The following P2RY12 variants were observed in gnomAD, a reference collection of about 807,000 sequenced individuals.
The protein encoded by P2RY12 is purinergic receptor P2Y12.
P2RY12 carries 3 observed loss-of-function variants against 4.5 expected under a neutral mutation model. That is an observed-to-expected ratio of 0.67 (90% CI 0.31 to 1.74). P2RY12 has a LOEUF of 1.74. Ranked by LOEUF, P2RY12 falls within the 40% of genes most tolerant of loss-of-function variation. The pLI, the probability that P2RY12 is intolerant of heterozygous loss-of-function variation, is 0.09. For synonymous variants in P2RY12, 148 were observed against 154.1 expected, an observed-to-expected ratio of 0.96 and a Z score of 0.29; for missense variants, 356 against 407.8, an observed-to-expected ratio of 0.87 and a Z score of 1.09.
Position 151,365,032 on chromosome 3 carries a change from A to G in P2RY12, c.-180+19660T>C, listed in dbSNP as rs767700302. The G allele has an allele frequency of 2.5e-6, 4 of 1,614,054 alleles. 1 individual carries two copies. The South Asian group carries it at 4.4e-5, about 18-fold the overall frequency. On this transcript the variant is annotated intron_variant, in intron 1 of 2. Coordinates refer to ENST00000302632, the MANE Select transcript of P2RY12 (RefSeq NM_022788.5). ...ATATATAATAACGTGATGCCTGCAA[A>G]TTCGAACTTGCGATGGGATCCAGAC...
intron 1 of P2RY12, among the ~76,000 whole-genome samples, chr3:151,365,617 G>A (rs886352896): frequency 2.0e-5 from 3 of 152,022 alleles, no homozygotes; most frequent in African/African-American, 4.8e-5. Context: ...ATTCTAATTC[G>A]TGTATGTACT....
chr3:151,370,117 T>C (rs75913414), intron 1 of P2RY12, among the ~76,000 whole-genome samples: 2,127 of 152,332 alleles, frequency 0.014, 41 homozygotes, highest in African/African-American at 0.048. Flanking sequence ...TAATTCATAA[T>C]GTCCAAGATG....
intron 1 of P2RY12, among the ~76,000 whole-genome samples, chr3:151,380,834 G>A (rs753498294): frequency 3.3e-5 from 5 of 152,148 alleles, no homozygotes; most frequent in Admixed American, 6.5e-5. Flanking sequence ...AGAGGACCTG[G>A]AGCAATCTAT....
intron 1 of P2RY12, chr3:151,355,070 C>T (rs367858892): frequency 2.1e-5 from 28 of 1,348,284 alleles, no homozygotes; most frequent in Non-Finnish European, 2.8e-5. Flanking sequence ...TTAAAAATGT[C>T]GAGAGCTTCT....
At chr3:151,353,937 C>T (rs1385946026) in intron 1 of P2RY12, among the ~76,000 whole-genome samples, 4 of 151,678 alleles carry the variant, frequency 2.6e-5, no homozygotes, top group African/African-American at 7.3e-5. Flanking sequence ...GTCAGGAGAT[C>T]GAGACCATCC....
chr3:151,376,706 C>T, intron 1 of P2RY12: 1 of 1,005,374 alleles, frequency 9.9e-7, no homozygotes, highest in Non-Finnish European at 1.5e-6. Context: ...TATGATTATT[C>T]TGCTCTTTCT....
At chr3:151,384,021 C>T in intron 1 of P2RY12, 2 of 1,543,238 alleles carry the variant, frequency 1.3e-6, no homozygotes, top group South Asian at 1.2e-5. Context: ...AATAAAAATA[C>T]TCAGTTAAAT....
intron 1 of P2RY12, chr3:151,376,936 T>A (rs1756925838): frequency 1.9e-6 from 3 of 1,610,628 alleles, no homozygotes; most frequent in Non-Finnish European, 2.5e-6. Flanking sequence ...AACACGTTGA[T>A]GTTTGAGGAT....
chr3:151,362,120 T>C lies in P2RY12; in HGVS notation c.-179-21360A>G, dbSNP rs114172807. Among the ~76,000 whole-genome samples, 1,247 of 152,086 alleles carry C rather than the reference T, an allele frequency of 8.2e-3. 25 individuals carry two copies. Among genetic ancestry groups the C allele is most frequent in the African/African-American group, 0.029 (1,204 of 41,494 alleles). ...CCAAGCATCTCTAGAACCTGCCCAT[T>C]CTTCACCCTCTCTTTACCGCTGTGG... is the stretch of plus-strand genomic sequence containing the variant. On this transcript the variant is annotated intron_variant, in intron 1 of 2. Coordinates refer to ENST00000302632, the MANE Select transcript of P2RY12 (RefSeq NM_022788.5).
At position 151,338,932 on chromosome 3, in the gene P2RY12, T is replaced by G. The variant is rs571481914; in HGVS notation, c.-14-73A>C. 2.2e-6 allele frequency: 3 copies of G among 1,340,218 alleles called. No individual in the cohort carries two copies. The Admixed American group carries it at 5.6e-5, about 25-fold the overall frequency. 83.0% of individuals were successfully genotyped at this position (1,340,218 alleles called of 1,614,324 possible). On this transcript the variant is annotated intron_variant, in intron 2 of 2. Transcript: ENST00000302632. ...TATTGCTGTTATCTCTGTGTGTAAC[T>G]TTTTTGGACACAGCCTCCTCTAAAA...
In P2RY12 at chr3:151,337,577, G is replaced by A. The variant is rs572511612; in HGVS notation, c.*240C>T. ...TTCTGTGTAGTTTTGCATGCAGCAT[G>A]ACAATTGGATGTCGTTTGTTTTGCT... On this transcript the variant is annotated 3_prime_UTR_variant, in exon 3 of 3. Coordinates refer to ENST00000302632, the MANE Select transcript of P2RY12 (RefSeq NM_022788.5). The A allele has an allele frequency of 2.6e-4, 123 of 480,970 alleles. No homozygotes were observed. In the East Asian group the frequency reaches 3.7e-3, roughly 15 times the overall value. The allele number at this position is 480,970 out of a possible 1,614,324, so 29.8% of individuals were successfully genotyped here. A position where few individuals can be genotyped will look rare whatever the true frequency, so the allele number is the denominator to read the frequency against.
At chr3:151,364,138 C>G (rs1267855020) in intron 1 of P2RY12, among the ~76,000 whole-genome samples, 1 of 152,136 alleles carries the variant, frequency 6.6e-6, no homozygotes, top group Non-Finnish European at 1.5e-5. Context: ...GATATGCTAC[C>G]TACAGAAGGT....
chr3:151,362,128 C>G (rs553478876), intron 1 of P2RY12, among the ~76,000 whole-genome samples: 1 of 152,040 alleles, frequency 6.6e-6, no homozygotes. Context: ...ATTCTTCACC[C>G]TCTCTTTACC....
At chr3:151,349,307 T>C (rs1418213494) in intron 1 of P2RY12, among the ~76,000 whole-genome samples, 1 of 152,196 alleles carries the variant, frequency 6.6e-6, no homozygotes, top group Non-Finnish European at 1.5e-5. Flanking sequence ...GGAGAGGTGG[T>C]CCAGAAGGGA....
chr3:151,370,673 G>A (rs754461767), intron 1 of P2RY12, among the ~76,000 whole-genome samples: 15 of 152,240 alleles, frequency 9.9e-5, no homozygotes, highest in East Asian at 1.9e-4. Flanking sequence ...TCAGTTGGTC[G>A]GTTCTACTTA....
intron 1 of P2RY12, among the ~76,000 whole-genome samples, chr3:151,360,208 A>C (rs1357848221): frequency 6.6e-6 from 1 of 152,140 alleles, no homozygotes; most frequent in Non-Finnish European, 1.5e-5. Flanking sequence ...ATTCCTCCAT[A>C]CGTACCTTCT....
At chr3:151,355,126 G>T (rs750469643) in intron 1 of P2RY12, 1 of 1,612,348 alleles carries the variant, frequency 6.2e-7, no homozygotes, top group South Asian at 1.1e-5. Flanking sequence ...TGTAGTTGGG[G>T]ACGAAGGACA....
chr3:151,351,204 G>A (rs1753200379), intron 1 of P2RY12, among the ~76,000 whole-genome samples: 1 of 152,156 alleles, frequency 6.6e-6, no homozygotes. Flanking sequence ...CTTTACTAGA[G>A]AAAAATACAG....
intron 1 of P2RY12, among the ~76,000 whole-genome samples, chr3:151,379,151 T>C (rs1046571949): frequency 6.6e-6 from 1 of 152,234 alleles, no homozygotes; most frequent in African/African-American, 2.4e-5. Context: ...TGTTTTACCA[T>C]GTTGGCCAGG....
Sources: allele counts gnomAD v4.1 joint callset (sites outside exome capture counted in the v4.1 genomes callset), GRCh38; gene constraint gnomAD v4.1.1; transcripts MANE v1.5; gene names NCBI Gene and HGNC (gene_info 2026-07-23, HGNC 2026-07-21).